Variants in NRXN1 observed in about 807,000 individuals in gnomAD.
NRXN1 encodes the protein neurexin-1.
NRXN1 carries 39 observed loss-of-function variants against 150.9 expected under a neutral mutation model. The observed-to-expected ratio is 0.26, with a 90% CI of 0.20 to 0.34. The LOEUF is 0.34. NRXN1 is among the 10% of genes least tolerant of loss of function. The pLI, the probability that NRXN1 is intolerant of heterozygous loss-of-function variation, is 1.00. For missense variants in NRXN1, 1,815 were observed against 1,949.9 expected (o/e 0.93, Z 1.30); for synonymous variants, 924 against 757.0 (o/e 1.22, Z -3.62).
chr2:50,436,254 C>G (rs2085419398), intron 17 of NRXN1, among the ~76,000 whole-genome samples: 1 of 151,990 alleles, frequency 6.6e-6, no homozygotes, highest in Admixed American at 6.6e-5. Context: ...GGGAGTTCGA[C>G]ACCAGCCTGA....
At chr2:50,792,562 A>C (rs1457062121) in intron 5 of NRXN1, among the ~76,000 whole-genome samples, 1 of 152,100 alleles carries the variant, frequency 6.6e-6, no homozygotes, top group Non-Finnish European at 1.5e-5. Flanking sequence ...AAGGGATGGT[A>C]TTGGTTGTAG....
At position 50,805,010 on chromosome 2, in the gene NRXN1, T is replaced by C. The variant is rs568550228; in HGVS notation, c.832+116859A>G. On this transcript the variant is annotated intron_variant, in intron 5 of 22. Coordinates refer to ENST00000401669, the MANE Select transcript of NRXN1 (RefSeq NM_001330078.2). Reference sequence around the variant, plus strand: ...TGGCTGCATCACTAGGTGACCTTTTTGTAGCCTCTTTGTGCCTCAGTTTCA... The same window carrying C: ...TGGCTGCATCACTAGGTGACCTTTTCGTAGCCTCTTTGTGCCTCAGTTTCA... Among the ~76,000 whole-genome samples, 7 of 152,302 alleles carry C rather than the reference T, an allele frequency of 4.6e-5. No homozygotes were observed. In the South Asian group the frequency reaches 1.4e-3, roughly 32 times the overall value.
intron 2 of NRXN1, among the ~76,000 whole-genome samples, chr2:50,986,751 A>C (rs1479367500): frequency 6.6e-6 from 1 of 151,438 alleles, no homozygotes; most frequent in Non-Finnish European, 1.5e-5. Flanking sequence ...TTTTTTTTCC[A>C]AAAAATCGAG....
intron 3 of NRXN1, 94 bp downstream of exon 3, chr2:50,925,844 G>T: frequency 1.0e-6 from 1 of 965,748 alleles, no homozygotes; most frequent in East Asian, 2.6e-5. Flanking sequence ...TCAGAAAGAA[G>T]TTCAACTTAC....
chr2:50,176,830 G>A (rs2060381738), intron 18 of NRXN1, among the ~76,000 whole-genome samples: 1 of 152,006 alleles, frequency 6.6e-6, no homozygotes. Context: ...GTAACATTAA[G>A]GCTCTGTTTC....
chr2:50,741,173 G>A lies in NRXN1; in HGVS notation c.833-117558C>T, dbSNP rs17561402. 8.0e-3 allele frequency among the ~76,000 whole-genome samples: 1,216 copies of A among 152,082 alleles called. 8 individuals carry two copies. The highest frequency in any genetic ancestry group is 0.012 in the Admixed American group (183 of 15,272). ...TTATTTGGCTGTCTCTCCAAAATAGGGTTACCATTTATGACAGAATAAAAC... is the reference window on the plus strand; with the variant it reads ...TTATTTGGCTGTCTCTCCAAAATAGAGTTACCATTTATGACAGAATAAAAC... On this transcript the variant is annotated intron_variant, in intron 5 of 22. Transcript: ENST00000401669.
chr2:50,132,467 G>A (rs570643333), intron 18 of NRXN1, among the ~76,000 whole-genome samples: 1 of 151,998 alleles, frequency 6.6e-6, no homozygotes, highest in South Asian at 2.1e-4. Flanking sequence ...CACCACACCT[G>A]GCTAATTTTT....
At chr2:50,807,045 C>T (rs1211833760) in intron 5 of NRXN1, among the ~76,000 whole-genome samples, 1 of 152,090 alleles carries the variant, frequency 6.6e-6, no homozygotes, top group Non-Finnish European at 1.5e-5. Flanking sequence ...CGCCAATCAT[C>T]CTTGAAATAT....
intron 19 of NRXN1, among the ~76,000 whole-genome samples, chr2:50,067,264 A>T (rs1327537328): frequency 6.6e-6 from 1 of 152,176 alleles, no homozygotes; most frequent in Non-Finnish European, 1.5e-5. Context: ...TCCCTCTCTT[A>T]TGTGGATTTA....
chr2:50,179,783 A>G lies in NRXN1; in HGVS notation c.3546+57006T>C, dbSNP rs528449567. On this transcript the variant is annotated intron_variant, in intron 18 of 22. Coordinates refer to ENST00000401669, the MANE Select transcript of NRXN1 (RefSeq NM_001330078.2). ...GAGCTCTTAAAGAAAAAAAATGTGG[A>G]GAATGAAAATTGAAAAGCAGCAGCT... Among the ~76,000 whole-genome samples, 3 of 152,192 alleles carry G rather than the reference A, an allele frequency of 2.0e-5. No homozygotes were observed. In the South Asian group the frequency reaches 6.2e-4, roughly 32 times the overall value.
chr2:50,469,528 A>C (rs1005205835), intron 16 of NRXN1, among the ~76,000 whole-genome samples: 1 of 151,444 alleles, frequency 6.6e-6, no homozygotes, highest in Non-Finnish European at 1.5e-5. Flanking sequence ...TGTGGTTTGG[A>C]CTCAAATTCC....
intron 17 of NRXN1, among the ~76,000 whole-genome samples, chr2:50,358,915 C>A (rs994216498): frequency 6.6e-6 from 1 of 152,224 alleles, no homozygotes; most frequent in Non-Finnish European, 1.5e-5. Context: ...GTTCCACAGC[C>A]TCCACTGGTG....
intron 5 of NRXN1, among the ~76,000 whole-genome samples, chr2:50,879,371 A>ATTTCTAATTATT (rs1269430712): frequency 3.3e-5 from 5 of 151,894 alleles, no homozygotes; most frequent in Non-Finnish European, 7.4e-5. Flanking sequence ...ATTTGCAGTT[A>ATTTCTAATTATT]TTTCTAATTA....
At chr2:50,480,512 A>G (rs960370741) in intron 15 of NRXN1, among the ~76,000 whole-genome samples, 3 of 152,194 alleles carry the variant, frequency 2.0e-5, no homozygotes, top group African/African-American at 7.2e-5. Context: ...AAAGAAAGAC[A>G]TGCATTTATT....
chr2:50,514,045 C>T (rs2105064928), intron 12 of NRXN1, among the ~76,000 whole-genome samples: 1 of 152,144 alleles, frequency 6.6e-6, no homozygotes, highest in South Asian at 2.1e-4. Context: ...TTCTAAAGTT[C>T]ACTTTATTTG....
At chr2:50,653,924 A>G (rs1686002712) in intron 5 of NRXN1, among the ~76,000 whole-genome samples, 1 of 148,952 alleles carries the variant, frequency 6.7e-6, no homozygotes, top group African/African-American at 2.5e-5. Flanking sequence ...GCTGAAGCAT[A>G]CAGGTAGAAT....
intron 18 of NRXN1, among the ~76,000 whole-genome samples, chr2:50,143,381 T>A (rs1707545539): frequency 6.6e-6 from 1 of 151,852 alleles, no homozygotes. Context: ...AACTTTATAG[T>A]TATGTAAGAA....
chr2:50,825,917 G>T (rs1670386044), intron 5 of NRXN1, among the ~76,000 whole-genome samples: 1 of 152,184 alleles, frequency 6.6e-6, no homozygotes, highest in Admixed American at 6.5e-5. Context: ...CTTGATGTTT[G>T]GGGGAAAACC....
intron 5 of NRXN1, among the ~76,000 whole-genome samples, chr2:50,639,827 A>C (rs1343027903): frequency 6.6e-6 from 1 of 152,082 alleles, no homozygotes; most frequent in Admixed American, 6.6e-5. Flanking sequence ...CTCAACATCA[A>C]ATTTTGTTTT....
Sources: allele counts gnomAD v4.1 joint callset (sites outside exome capture counted in the v4.1 genomes callset), GRCh38; gene constraint gnomAD v4.1.1; transcripts MANE v1.5; gene names NCBI Gene and HGNC (gene_info 2026-07-23, HGNC 2026-07-21).